Variants in POLQ observed in about 807,000 individuals in gnomAD.
The protein encoded by POLQ is epididymis secretory sperm binding protein.
Under a neutral mutation model 259.2 loss-of-function variants are expected in POLQ, and 233 were observed. The observed-to-expected ratio is 0.90, with a 90% CI of 0.81 to 1.00. The LOEUF (loss-of-function observed/expected upper bound fraction) is 1.00, where lower values mean the gene tolerates loss of function less well. Ranked by LOEUF, POLQ falls within the 50% of genes least tolerant of loss-of-function variation. The pLI, the probability that POLQ is intolerant of heterozygous loss-of-function variation, is 0.00. For missense variants in POLQ, 2,871 were observed against 3,051.6 expected (o/e 0.94, Z 1.39); for synonymous variants, 1,025 against 1,048.8 (o/e 0.98, Z 0.44).
At chr3:121,455,466 C>G (rs1398791284) in intron 25 of POLQ, among the ~76,000 whole-genome samples, 1 of 148,858 alleles carries the variant, frequency 6.7e-6, no homozygotes, top group Non-Finnish European at 1.5e-5. Flanking sequence ...AAAGGATCAA[C>G]AAAATTGATA....
At chr3:121,441,975 A>G (rs544850172) in intron 26 of POLQ, among the ~76,000 whole-genome samples, 1 of 152,282 alleles carries the variant, frequency 6.6e-6, no homozygotes, top group South Asian at 2.1e-4. Flanking sequence ...TAATATGGTC[A>G]TTCATATCTT....
In POLQ at chr3:121,545,814, C is replaced by G; in HGVS notation, c.64G>C (p.Gly22Arg). Residue 22 changes from glycine to arginine, a missense_variant, in exon 1 of 30, where the codon GGA (glycine) becomes CGA (arginine). Around this residue, in one of 3 missense-constraint regions of POLQ, gnomAD observed 783 missense variants for 906.2 expected, o/e 0.86. Transcript: ENST00000264233. ...RSESGSDSFSGSGGDSSASPQ... is the reference protein window; with the variant it reads ...RSESGSDSFSRSGGDSSASPQ... ...CTGGCACTGCTGTCACCGCCGCTTCCCGAGAACGAATCTGAGCCTGATTCT... is the reference window on the plus strand; with the variant it reads ...CTGGCACTGCTGTCACCGCCGCTTCGCGAGAACGAATCTGAGCCTGATTCT... The G allele has an allele frequency of 6.2e-7, 1 of 1,613,738 alleles. No individual in the cohort carries two copies. The highest frequency in any genetic ancestry group is 8.5e-7 in the Non-Finnish European group (1 of 1,179,888).
intron 28 of POLQ, among the ~76,000 whole-genome samples, chr3:121,434,052 C>A (rs2047523527): frequency 6.6e-6 from 1 of 152,220 alleles, no homozygotes; most frequent in South Asian, 2.1e-4. Flanking sequence ...GAAATCGGAT[C>A]TGCCCCATGA....
At chr3:121,467,729 T>C (rs952070077) in intron 23 of POLQ, 89 bp from the exon 24 acceptor site, 20 of 1,335,658 alleles carry the variant, frequency 1.5e-5, no homozygotes, top group Non-Finnish European at 2.0e-5. Flanking sequence ...AGTATTTCCG[T>C]CTAAGAAACT....
intron 9 of POLQ, among the ~76,000 whole-genome samples, chr3:121,512,599 G>A (rs1047087293): frequency 6.6e-6 from 1 of 152,076 alleles, no homozygotes; most frequent in African/African-American, 2.4e-5. Flanking sequence ...AGTTTCTCAG[G>A]TCTTCAATCC....
At chr3:121,470,133 T>C (rs943210485) in intron 22 of POLQ, among the ~76,000 whole-genome samples, 5 of 152,006 alleles carry the variant, frequency 3.3e-5, no homozygotes, top group African/African-American at 1.2e-4. Flanking sequence ...TGAAACACTG[T>C]CTCTACTAAA....
chr3:121,496,805 G>T lies in POLQ; in HGVS notation c.2278+3C>A. ...TAAATGTGAAACCCTTTGTTTAACT[G>T]ACCTGCATAAACAGCAGCTGACTGT... On this transcript the variant is annotated splice_donor_region_variant and intron_variant, in intron 14 of 29. Transcript: ENST00000264233. 6.2e-7 allele frequency: 1 copy of T among 1,607,342 alleles called. No individual in the cohort carries two copies. The highest frequency in any genetic ancestry group is 1.1e-5 in the South Asian group (1 of 88,998).
chr3:121,540,695 C>CT (rs1323688808), intron 3 of POLQ, among the ~76,000 whole-genome samples: 1 of 152,144 alleles, frequency 6.6e-6, no homozygotes, highest in East Asian at 1.9e-4. Flanking sequence ...CCTTTCTATG[C>CT]TTCAGTCTAG....
chr3:121,527,602 A>G (rs906701610), intron 7 of POLQ, among the ~76,000 whole-genome samples: 6 of 152,184 alleles, frequency 3.9e-5, no homozygotes, highest in African/African-American at 1.4e-4. Context: ...ATAGCTTCAC[A>G]AATTTCCTTC....
intron 12 of POLQ, among the ~76,000 whole-genome samples, chr3:121,508,480 T>C (rs1451911619): frequency 3.3e-5 from 5 of 152,204 alleles, no homozygotes; most frequent in African/African-American, 1.2e-4. Context: ...CCCAAGGTTA[T>C]ATGATTACTA....
intron 13 of POLQ, among the ~76,000 whole-genome samples, chr3:121,497,242 A>C (rs899715577): frequency 1.2e-4 from 19 of 152,238 alleles, no homozygotes; most frequent in Admixed American, 1.2e-3. Context: ...AAAATTAAAA[A>C]GATAACTTGA....
At chr3:121,490,438 T>C (rs2048059079) in intron 15 of POLQ, 30 bp from the exon 16 acceptor site, 4 of 1,562,614 alleles carry the variant, frequency 2.6e-6, no homozygotes, top group Non-Finnish European at 3.5e-6. Context: ...AAGACAGAAA[T>C]GAATTCATTC....
rs1239317107 is a variant in POLQ, at chr3:121,519,980, A to C, written c.1359T>G (p.Pro453=). The change falls in exon 9 of 30, where the codon CCT becomes CCG. Residue 453 remains proline, a synonymous_variant. Coordinates refer to ENST00000264233, the MANE Select transcript of POLQ (RefSeq NM_199420.4). Reference sequence around the variant, plus strand: ...GGGTTCGAATAATCACACGACGTGCAGGTAAATTCACCCCAGAAGAAAGAG... The same window carrying C: ...GGGTTCGAATAATCACACGACGTGCCGGTAAATTCACCCCAGAAGAAAGAG... ...TSTLSSGVNL[P]ARRVIIRTPI... is the part of the protein sequence containing the mutation. 1 of 1,612,074 alleles carries C rather than the reference A, an allele frequency of 6.2e-7. No homozygotes were observed. Among genetic ancestry groups the C allele is most frequent in the Admixed American group, 1.7e-5 (1 of 60,020 alleles).
At chr3:121,455,782 C>T (rs1048723901) in intron 25 of POLQ, among the ~76,000 whole-genome samples, 4 of 152,318 alleles carry the variant, frequency 2.6e-5, no homozygotes, top group Non-Finnish European at 1.5e-5. Flanking sequence ...CAGATGGATT[C>T]ACAGCCAAAT....
intron 12 of POLQ, among the ~76,000 whole-genome samples, chr3:121,502,751 T>C (rs1367478877): frequency 6.6e-6 from 1 of 152,212 alleles, no homozygotes; most frequent in Non-Finnish European, 1.5e-5. Context: ...CTAAAAACAT[T>C]AAATTACATA....
chr3:121,540,878 C>T (rs1162608853), intron 3 of POLQ, among the ~76,000 whole-genome samples: 2 of 146,760 alleles, frequency 1.4e-5, no homozygotes, highest in East Asian at 2.1e-4. Flanking sequence ...TTTTAATTTC[C>T]TTCTGTAAAT....
chr3:121,465,970 T>C (rs2047832074), intron 24 of POLQ, among the ~76,000 whole-genome samples: 1 of 152,120 alleles, frequency 6.6e-6, no homozygotes, highest in African/African-American at 2.4e-5. Flanking sequence ...TGTCAAAAGC[T>C]GAGATAGGTT....
At chr3:121,453,284 T>C (rs1275568095) in intron 25 of POLQ, among the ~76,000 whole-genome samples, 10 of 151,644 alleles carry the variant, frequency 6.6e-5, no homozygotes, top group Non-Finnish European at 1.3e-4. Context: ...ACCACAAAGA[T>C]GGGGAAAAAA....
At chr3:121,502,496 A>C (rs1037154867) in intron 12 of POLQ, among the ~76,000 whole-genome samples, 1 of 152,178 alleles carries the variant, frequency 6.6e-6, no homozygotes, top group Admixed American at 6.5e-5. Flanking sequence ...GAGCCACTAC[A>C]ACCTGCCAAT....
Sources: allele counts gnomAD v4.1 joint callset (sites outside exome capture counted in the v4.1 genomes callset), GRCh38; gene constraint gnomAD v4.1.1; regional missense constraint gnomAD v4.1.1; transcripts MANE v1.5; gene names NCBI Gene and HGNC (gene_info 2026-07-23, HGNC 2026-07-21).